THUMPD2: variants seen among roughly 807,000 people sequenced by gnomAD.
THUMPD2 encodes U6 snRNA (guanine-N(2))-methyltransferase THUMPD2.
THUMPD2 carries 56 observed loss-of-function variants against 49.4 expected under a neutral mutation model. The ratio of observed to expected loss-of-function variants is 1.13; its 90% CI spans 0.91 to 1.41. The LOEUF (loss-of-function observed/expected upper bound fraction) is 1.41. THUMPD2 is among the 40% of genes most tolerant of loss of function. The pLI is 0.00. For missense variants in THUMPD2, 709 were observed against 594.5 expected (o/e 1.19, Z -2.00); for synonymous variants, 237 against 205.2 (o/e 1.15, Z -1.32).
intron 6 of THUMPD2, among the ~76,000 whole-genome samples, chr2:39,758,866 T>C (rs995187041): frequency 6.7e-6 from 1 of 148,560 alleles, no homozygotes; most frequent in East Asian, 2.0e-4. Flanking sequence ...CCCAGTAAAA[T>C]AGAATTACTA....
rs1334282520 is a variant in THUMPD2, at chr2:39,736,740, G to C, written c.1507C>G (p.Leu503Val). Residue 503 changes from leucine (L) to valine (V), a missense_variant, in exon 10 of 10, where the codon CTG becomes GTG. Transcript: ENST00000505747. ...CKYKKSHSSGL is the reference protein window; with the variant it reads ...CKYKKSHSSGV The stretch of plus-strand genomic sequence containing the variant: ...GGCTGATGGCAGCAAGCCTGCTACA[G>C]TCCAGAAGAGTGCGACTTCTTATAT... 3 of 1,613,156 alleles carry C rather than the reference G, an allele frequency of 1.9e-6. No homozygotes were observed. The highest frequency in any genetic ancestry group is 2.5e-6 in the Non-Finnish European group (3 of 1,179,524).
intron 4 of THUMPD2, 135 bp downstream of exon 4, chr2:39,768,289 A>C: frequency 1.4e-6 from 1 of 721,554 alleles, no homozygotes; most frequent in South Asian, 1.8e-5. Flanking sequence ...TGCTAAAGAT[A>C]AAATGGACTG....
At chr2:39,771,396 C>G (rs749940331) in intron 2 of THUMPD2, 109 bp downstream of exon 2, 1 of 1,091,362 alleles carries the variant, frequency 9.2e-7, no homozygotes, top group African/African-American at 1.6e-5. Context: ...TGATCCCACA[C>G]ATGTCAATGA....
intron 5 of THUMPD2, among the ~76,000 whole-genome samples, chr2:39,764,132 G>C (rs1434505065): frequency 6.6e-6 from 1 of 152,124 alleles, no homozygotes; most frequent in African/African-American, 2.4e-5. Context: ...TCACAGGTCC[G>C]TAATTAGAGT....
chr2:39,756,909 GTAATAA>G lies in THUMPD2; in HGVS notation c.892-955_892-950del, dbSNP rs147238410. ...ACACTTAGTAAATGCAAGCTAAAAT[GTAATAA>G]TAATAATAATAATAATAATAATAAA... is the stretch of plus-strand genomic sequence containing the variant. On this transcript the variant is annotated intron_variant, in intron 6 of 9. Transcript: ENST00000505747. Among the ~76,000 whole-genome samples, 75 of 143,650 alleles carry G rather than the reference GTAATAA, an allele frequency of 5.2e-4. No individual in the cohort carries two copies. The East Asian group carries it at 5.7e-3, about 11-fold the overall frequency. The allele number at this position is 143,650 out of a possible 152,430, so 94.2% of individuals were successfully genotyped here.
rs1235852473 is a variant in THUMPD2, at chr2:39,761,437, G to C, written c.804-19C>G. On this transcript the variant is annotated intron_variant, in intron 5 of 9. Coordinates refer to ENST00000505747, the MANE Select transcript of THUMPD2 (RefSeq NM_025264.5). ...GGAAACCCTACAAAGGATAGAATCT[G>C]ATTATATATTATTACACATTGAACA... 2.5e-6 allele frequency: 4 copies of C among 1,604,460 alleles called. No individual in the cohort carries two copies. Among genetic ancestry groups the C allele is most frequent in the Admixed American group, 1.7e-5 (1 of 59,850 alleles).
At chr2:39,771,694 A>AT (rs969017858) in intron 1 of THUMPD2, 54 bp from the exon 2 acceptor site, 8 of 1,530,936 alleles carry the variant, frequency 5.2e-6, no homozygotes, top group Non-Finnish European at 7.0e-6. Context: ...AAAAAACCAT[A>AT]TTTTTTCCCT....
chr2:39,754,627 G>T (rs924285347), intron 8 of THUMPD2, among the ~76,000 whole-genome samples: 1 of 152,130 alleles, frequency 6.6e-6, no homozygotes, highest in African/African-American at 2.4e-5. Context: ...AAAAAAACAA[G>T]GAATAGTTTT....
Position 39,767,397 on chromosome 2 carries a change from G to A in THUMPD2, c.750+1027C>T, listed in dbSNP as rs1230272433. Reference sequence around the variant, plus strand: ...AGGCGGGCGGATCACGAGGTCAGGAGATCGAGACCATCCCGGCTAAAACGG... The same window carrying A: ...AGGCGGGCGGATCACGAGGTCAGGAAATCGAGACCATCCCGGCTAAAACGG... On this transcript the variant is annotated intron_variant, in intron 4 of 9. Coordinates refer to ENST00000505747, the MANE Select transcript of THUMPD2 (RefSeq NM_025264.5). Among the ~76,000 whole-genome samples, 4 of 151,550 alleles carry A rather than the reference G, an allele frequency of 2.6e-5. No individual in the cohort carries two copies. The East Asian group carries it at 7.7e-4, about 29-fold the overall frequency.
intron 5 of THUMPD2, among the ~76,000 whole-genome samples, chr2:39,764,569 G>A (rs961686685): frequency 6.6e-6 from 1 of 152,154 alleles, no homozygotes; most frequent in African/African-American, 2.4e-5. Flanking sequence ...AGGAACTTAG[G>A]ACAAATTTTT....
Position 39,769,814 on chromosome 2 carries a change from G to A in THUMPD2, c.568C>T (p.Gln190Ter). 6.2e-7 allele frequency: 1 copy of A among 1,611,396 alleles called. No individual in the cohort carries two copies. Among genetic ancestry groups the A allele is most frequent in the Non-Finnish European group, 8.5e-7 (1 of 1,179,410 alleles). The change falls in exon 3 of 10, where the codon CAG becomes TAG. Residue 190 changes from glutamine (Q) to a stop codon, truncating the protein, a stop_gained. Transcript: ENST00000505747. LOFTEE classifies it high-confidence loss of function. ...TCAATTGCTTTCTCTATGTCATTCT[G>A]AAATTCTTCTTCTTGAAACTTTTCG... ...KSEKFQEEEF[Q>*]NDIEKAIDTH...
intron 6 of THUMPD2, among the ~76,000 whole-genome samples, chr2:39,757,523 G>A (rs1051444244): frequency 3.9e-5 from 6 of 152,194 alleles, no homozygotes; most frequent in Non-Finnish European, 8.8e-5. Flanking sequence ...TTAATAGCAT[G>A]AGAACCCATT....
chr2:39,771,418 T>C, intron 2 of THUMPD2, 87 bp downstream of exon 2: 4 of 1,350,114 alleles, frequency 3.0e-6, no homozygotes, highest in Non-Finnish European at 4.0e-6. Context: ...TATTAAAGTG[T>C]AAAATGGCTA....
chr2:39,776,165 T>C lies in THUMPD2; in HGVS notation c.126+2949A>G, dbSNP rs367837354. On this transcript the variant is annotated intron_variant, in intron 1 of 9. Transcript: ENST00000505747. ...AAGTAAAGCTTAATTTTTCTCAATA[T>C]ATTACTTTCTTCAAAGTAGTCTAAG... Among the ~76,000 whole-genome samples, 4 of 152,338 alleles carry C rather than the reference T, an allele frequency of 2.6e-5. No homozygotes were observed. In the East Asian group the frequency reaches 5.8e-4, roughly 22 times the overall value.
Position 39,779,229 on chromosome 2 carries a change from G to A in THUMPD2, c.11C>T (p.Ala4Val). The A allele has an allele frequency of 2.0e-6, 3 of 1,495,054 alleles. No individual in the cohort carries two copies. The highest frequency in any genetic ancestry group is 1.3e-5 in the South Asian group (1 of 79,798). The allele number at this position is 1,495,054 out of a possible 1,614,324, so 92.6% of individuals were successfully genotyped here. ...AGGCCCGGACCCTGGCTCTCCACGC[G>A]CCTCCGACATGGCGGCTCAGGCGCG... Reference protein sequence around the residue: MSEARGEPGSGPEA... With the variant: MSEVRGEPGSGPEA... Residue 4 changes from alanine (A) to valine (V), a missense_variant, in exon 1 of 10, where the codon GCG becomes GTG. Coordinates refer to ENST00000505747, the MANE Select transcript of THUMPD2 (RefSeq NM_025264.5).
At chr2:39,742,378 A>G (rs563701183) in intron 9 of THUMPD2, among the ~76,000 whole-genome samples, 2 of 151,786 alleles carry the variant, frequency 1.3e-5, no homozygotes, top group South Asian at 4.1e-4. Flanking sequence ...AAATATCACA[A>G]TGTGACAATG....
At chr2:39,763,169 G>C (rs1298773080) in intron 5 of THUMPD2, among the ~76,000 whole-genome samples, 2 of 151,980 alleles carry the variant, frequency 1.3e-5, no homozygotes, top group East Asian at 3.9e-4. Context: ...CTGCATGTGT[G>C]CATTTTTTTT....
At chr2:39,768,705 C>T in intron 3 of THUMPD2, 1 of 664,792 alleles carries the variant, frequency 1.5e-6, no homozygotes, top group Non-Finnish European at 2.5e-6. Context: ...GCCCCCAGTA[C>T]ACCCCATGGC....
chr2:39,770,112 T>C lies in THUMPD2; in HGVS notation c.270A>G (p.Ile90Met), dbSNP rs2148334366. 1.4e-6 allele frequency: 2 copies of C among 1,475,492 alleles called. No homozygotes were observed. The highest frequency in any genetic ancestry group is 1.4e-5 in the African/African-American group (1 of 68,966). The allele number at this position is 1,475,492 out of a possible 1,614,324, so 91.4% of individuals were successfully genotyped here. A position where few individuals can be genotyped will look rare whatever the true frequency, so the allele number is the denominator to read the frequency against. ...TTATAAGTCTTTGCATTTCATTAAA[T>C]ATTTTTCCTAAATAAGAAAAATCTT... Reference protein sequence around the residue: ...LIISSVSKGKIFNEMQRLINE... With the variant: ...LIISSVSKGKMFNEMQRLINE... Residue 90 changes from isoleucine (I) to methionine (M), a missense_variant, in exon 3 of 10, where the codon ATA (isoleucine) becomes ATG (methionine). Ile to Met is a conservative substitution (Grantham distance 10, BLOSUM62 1). Transcript: ENST00000505747.
Sources: gnomAD v4.1 joint callset for allele counts (sites outside exome capture counted in the v4.1 genomes callset) on GRCh38, gnomAD v4.1.1 for gene constraint, MANE v1.5 for transcripts, NCBI Gene and HGNC (gene_info 2026-07-23, HGNC 2026-07-21) for gene names.